The following PRKAR1B variants were observed in gnomAD, a reference collection of about 807,000 sequenced individuals.
The protein encoded by PRKAR1B is protein kinase cAMP-dependent type I regulatory subunit beta, also known as cAMP-dependent protein kinase type I-beta regulatory subunit.
Under a neutral mutation model 46.5 loss-of-function variants are expected in PRKAR1B, and 22 were observed. The observed-to-expected ratio is 0.47, with a 90% CI of 0.34 to 0.68. The LOEUF (loss-of-function observed/expected upper bound fraction) is 0.68, where lower values mean the gene tolerates loss of function less well. PRKAR1B is among the 30% of genes least tolerant of loss of function. PRKAR1B has a pLI of 0.01. For synonymous variants in PRKAR1B, 259 were observed against 217.7 expected, an observed-to-expected ratio of 1.19 and a Z score of -1.67; for missense variants, 445 against 535.6, an observed-to-expected ratio of 0.83 and a Z score of 1.67.
At chr7:677,364 G>C (rs1302390310) in intron 3 of PRKAR1B, 44 bp from the exon 4 acceptor site, 1 of 1,565,520 alleles carries the variant, frequency 6.4e-7, no homozygotes, top group African/African-American at 1.3e-5. Flanking sequence ...ACCCTGGCCT[G>C]ATGCTGTGAC....
intron 9 of PRKAR1B, among the ~76,000 whole-genome samples, chr7:561,287 C>T (rs1470094122): frequency 6.6e-6 from 1 of 152,214 alleles, no homozygotes; most frequent in Non-Finnish European, 1.5e-5. Flanking sequence ...CACACACACA[C>T]ACACATCCAC....
At chr7:615,479 A>G (rs1296737662) in intron 4 of PRKAR1B, among the ~76,000 whole-genome samples, 1 of 151,372 alleles carries the variant, frequency 6.6e-6, no homozygotes, top group Non-Finnish European at 1.5e-5. Context: ...AAGGAAAGAA[A>G]GAAGAGAAAA....
chr7:640,620 G>A (rs1215820825), intron 4 of PRKAR1B, among the ~76,000 whole-genome samples: 6 of 151,986 alleles, frequency 3.9e-5, no homozygotes, highest in Admixed American at 6.5e-5. Context: ...AAAATTAGCC[G>A]GGTGTGGTGG....
At chr7:621,231 C>T (rs1351195646) in intron 4 of PRKAR1B, among the ~76,000 whole-genome samples, 1 of 152,220 alleles carries the variant, frequency 6.6e-6, no homozygotes, top group African/African-American at 2.4e-5. Context: ...TGAAAGAACT[C>T]AACCAGTGAA....
intron 4 of PRKAR1B, among the ~76,000 whole-genome samples, chr7:639,906 T>A (rs1784299983): frequency 6.6e-6 from 1 of 151,754 alleles, no homozygotes; most frequent in African/African-American, 2.4e-5. Context: ...GGCTCACACC[T>A]GTAATCCCAG....
chr7:676,136 G>T (rs1430240717), intron 4 of PRKAR1B, among the ~76,000 whole-genome samples: 3 of 152,076 alleles, frequency 2.0e-5, no homozygotes, highest in African/African-American at 7.2e-5. Context: ...GTGCACAAGG[G>T]CAATCCTTAA....
intron 8 of PRKAR1B, among the ~76,000 whole-genome samples, chr7:580,401 A>AT (rs879407415): frequency 2.7e-4 from 37 of 135,860 alleles, no homozygotes; most frequent in Non-Finnish European, 5.8e-4. Flanking sequence ...TAAAATACAA[A>AT]AAAAATAATA....
At chr7:724,514 C>A (rs1024977495) in intron 1 of PRKAR1B, among the ~76,000 whole-genome samples, 4 of 152,230 alleles carry the variant, frequency 2.6e-5, no homozygotes, top group Admixed American at 6.5e-5. Context: ...GAGGCCTCCC[C>A]AGCCATGTGG....
At chr7:683,400 C>T (rs1271410722) in intron 2 of PRKAR1B, among the ~76,000 whole-genome samples, 3 of 152,162 alleles carry the variant, frequency 2.0e-5, no homozygotes, top group African/African-American at 7.2e-5. Context: ...CAGCCAGGTG[C>T]ACCGGTCCAG....
chr7:561,387 G>C (rs1296389199), intron 9 of PRKAR1B, among the ~76,000 whole-genome samples: 1 of 152,196 alleles, frequency 6.6e-6, no homozygotes, highest in Non-Finnish European at 1.5e-5. Flanking sequence ...GCATTTTTAT[G>C]TTTTTTTAAG....
chr7:706,446 C>T (rs150055812), intron 2 of PRKAR1B, among the ~76,000 whole-genome samples: 1,820 of 41,974 alleles, frequency 0.043, 55 homozygotes, highest in African/African-American at 0.14. Flanking sequence ...TTTTTTGAGA[C>T]GGAGTCTCGC....
At chr7:610,297 G>A (rs755880886) in intron 4 of PRKAR1B, among the ~76,000 whole-genome samples, 1 of 152,214 alleles carries the variant, frequency 6.6e-6, no homozygotes, top group Admixed American at 6.5e-5. Context: ...TCAGTCTCCA[G>A]AGGGGGCTGT....
At chr7:683,402 C>T (rs1778812076) in intron 2 of PRKAR1B, among the ~76,000 whole-genome samples, 1 of 152,162 alleles carries the variant, frequency 6.6e-6, no homozygotes, top group Non-Finnish European at 1.5e-5. Flanking sequence ...GCCAGGTGCA[C>T]CGGTCCAGGT....
chr7:685,659 G>A (rs1447447636), intron 2 of PRKAR1B, among the ~76,000 whole-genome samples: 1 of 151,442 alleles, frequency 6.6e-6, no homozygotes, highest in African/African-American at 2.4e-5. Flanking sequence ...CTGACAATAA[G>A]AATGGCTCAA....
chr7:676,044 G>A (rs1488270935), intron 4 of PRKAR1B, among the ~76,000 whole-genome samples: 4 of 152,090 alleles, frequency 2.6e-5, no homozygotes, highest in South Asian at 2.1e-4. Flanking sequence ...ACTGCAGCAC[G>A]CTAACTGGCA....
At chr7:632,510 G>A (rs563732574) in intron 4 of PRKAR1B, among the ~76,000 whole-genome samples, 11 of 152,336 alleles carry the variant, frequency 7.2e-5, no homozygotes, top group African/African-American at 1.4e-4. Flanking sequence ...CCCCGCTGCC[G>A]GGTCATGGCA....
At chr7:586,302 C>G (rs1413149567) in intron 7 of PRKAR1B, among the ~76,000 whole-genome samples, 2 of 152,240 alleles carry the variant, frequency 1.3e-5, no homozygotes, top group African/African-American at 4.8e-5. Flanking sequence ...CCTGTGTGCT[C>G]TGTCCCACGA....
intron 1 of PRKAR1B, 43 bp downstream of exon 1, chr7:727,167 G>A (rs969984227): frequency 7.6e-7 from 1 of 1,314,342 alleles, no homozygotes; most frequent in East Asian, 3.5e-5. Context: ...TGCAGCTGCT[G>A]GGCCTGGCCG....
At chr7:663,662 G>T (rs1339893453) in intron 4 of PRKAR1B, among the ~76,000 whole-genome samples, 2 of 152,182 alleles carry the variant, frequency 1.3e-5, no homozygotes, top group East Asian at 3.9e-4. Flanking sequence ...TGCATGTGGT[G>T]GTCTGGGCAG....
Sources: gnomAD v4.1 joint callset for allele counts (sites outside exome capture counted in the v4.1 genomes callset) on GRCh38, gnomAD v4.1.1 for gene constraint, MANE v1.5 for transcripts, NCBI Gene and HGNC (gene_info 2026-07-23, HGNC 2026-07-21) for gene names.